POU2F1: variants seen among roughly 807,000 people sequenced by gnomAD.
POU2F1 encodes POU class 2 homeobox 1.
POU2F1 carries 16 observed loss-of-function variants against 84.9 expected under a neutral mutation model. The ratio of observed to expected loss-of-function variants is 0.19; its 90% CI spans 0.13 to 0.29. POU2F1 has a LOEUF of 0.29. Ranked by LOEUF, POU2F1 falls within the 10% of genes least tolerant of loss-of-function variation. The probability of loss-of-function intolerance (pLI) is 1.00; values close to 1 mark genes in which losing one functional copy is unlikely to be tolerated. For missense variants in POU2F1, 738 were observed against 942.6 expected (o/e 0.78, Z 2.84); for synonymous variants, 368 against 368.3 (o/e 1.00, Z 0.01).
At chr1:167,367,619 T>C (rs185078605) in intron 3 of POU2F1, among the ~76,000 whole-genome samples, 84 of 152,304 alleles carry the variant, frequency 5.5e-4, no homozygotes, top group African/African-American at 1.9e-3. Context: ...CTTTCAAATT[T>C]GTAAGAGTTA....
intron 1 of POU2F1, among the ~76,000 whole-genome samples, chr1:167,315,446 AG>A (rs1655813957): frequency 6.6e-6 from 1 of 152,158 alleles, no homozygotes; most frequent in African/African-American, 2.4e-5. Flanking sequence ...ACTTAGAAAC[AG>A]CCAAAAAGTC....
At chr1:167,398,258 A>G (rs898131562) in intron 11 of POU2F1, 125 bp downstream of exon 11, 3 of 1,166,244 alleles carry the variant, frequency 2.6e-6, no homozygotes, top group Non-Finnish European at 3.6e-6. Context: ...ATGATTATAA[A>G]TAGGTGAAGT....
intron 6 of POU2F1, 81 bp downstream of exon 6, chr1:167,374,377 G>T: frequency 7.3e-7 from 1 of 1,376,000 alleles, no homozygotes; most frequent in Non-Finnish European, 9.7e-7. Flanking sequence ...TTAACTTTTT[G>T]ATTGTTAGTG....
chr1:167,406,685 A>G (rs1649601992), intron 13 of POU2F1, among the ~76,000 whole-genome samples: 1 of 152,238 alleles, frequency 6.6e-6, no homozygotes. Flanking sequence ...TACAAGATTG[A>G]TATATAAAAA....
At position 167,270,903 on chromosome 1, in the gene POU2F1, A is replaced by G. The variant is rs138049568; in HGVS notation, c.61+49945A>G. ...TTCACTAACTCCTGAATGTTTCTCT[A>G]TGCTAATCTGAAAGCTCTACAGCAG... On this transcript the variant is annotated intron_variant, in intron 1 of 15. Transcript: ENST00000367866. 5.0e-3 allele frequency among the ~76,000 whole-genome samples: 757 copies of G among 152,108 alleles called. 7 individuals are homozygous for G. The highest frequency in any genetic ancestry group is 0.017 in the African/African-American group (715 of 41,468).
At position 167,415,956 on chromosome 1, in the gene POU2F1, A is replaced by AC. The variant is rs397754703; in HGVS notation, c.*148dup. On this transcript the variant is annotated 3_prime_UTR_variant, in exon 16 of 16. Transcript: ENST00000367866. ...AGAGAAGGGAGAAAAAAAAAAAAAA[A>AC]CCACACACACCCATACACACATACC... 12 of 820,854 alleles carry AC rather than the reference A, an allele frequency of 1.5e-5. No homozygotes were observed. In the South Asian group the frequency reaches 2.1e-4, roughly 14 times the overall value. The allele number at this position is 820,854 out of a possible 1,614,324, so 50.8% of individuals were successfully genotyped here. A position where few individuals can be genotyped will look rare whatever the true frequency, so the allele number is the denominator to read the frequency against.
chr1:167,359,761 C>G (rs1442791015), intron 2 of POU2F1, among the ~76,000 whole-genome samples: 2 of 148,206 alleles, frequency 1.3e-5, no homozygotes, highest in Admixed American at 1.3e-4. Flanking sequence ...TGCCAAACTG[C>G]TTTCCACAGG....
At chr1:167,242,216 T>C (rs1300402622) in intron 1 of POU2F1, among the ~76,000 whole-genome samples, 1 of 152,204 alleles carries the variant, frequency 6.6e-6, no homozygotes, top group Non-Finnish European at 1.5e-5. Flanking sequence ...ATTAATACTT[T>C]TGGTTTTCAG....
At chr1:167,379,069 TG>T (rs1473419918) in intron 7 of POU2F1, 2 of 151,906 alleles carry the variant, frequency 1.3e-5, no homozygotes, top group Non-Finnish European at 2.9e-5. Context: ...GAGTACAGTG[TG>T]TACTACCTCA....
intron 1 of POU2F1, among the ~76,000 whole-genome samples, chr1:167,242,938 C>T (rs1650018739): frequency 1.3e-5 from 2 of 152,162 alleles, no homozygotes; most frequent in African/African-American, 4.8e-5. Flanking sequence ...CTCCCTCCCC[C>T]TCCTTCCACC....
chr1:167,365,411 G>A, intron 2 of POU2F1, 56 bp from the exon 3 acceptor site: 1 of 1,333,958 alleles, frequency 7.5e-7, no homozygotes, highest in Non-Finnish European at 1.0e-6. Context: ...CTGAAATCTA[G>A]TGCTTTATTT....
intron 2 of POU2F1, among the ~76,000 whole-genome samples, chr1:167,335,632 A>T (rs1657395005): frequency 6.6e-6 from 1 of 152,226 alleles, no homozygotes; most frequent in Non-Finnish European, 1.5e-5. Flanking sequence ...TTTTCTCATT[A>T]AAGTAGTTGA....
chr1:167,404,873 C>T (rs1157010586), intron 13 of POU2F1, among the ~76,000 whole-genome samples: 1 of 152,146 alleles, frequency 6.6e-6, no homozygotes, highest in South Asian at 2.1e-4. Context: ...AATCTCAAAA[C>T]CTCTGATACC....
chr1:167,362,708 A>G (rs1393253889), intron 2 of POU2F1, among the ~76,000 whole-genome samples: 1 of 152,194 alleles, frequency 6.6e-6, no homozygotes, highest in Non-Finnish European at 1.5e-5. Flanking sequence ...TTTCTGTGGG[A>G]AAGTCAGGAC....
chr1:167,248,884 A>G (rs1650526171), intron 1 of POU2F1, among the ~76,000 whole-genome samples: 1 of 152,132 alleles, frequency 6.6e-6, no homozygotes, highest in South Asian at 2.1e-4. Flanking sequence ...AATTATCCCC[A>G]TTTTACAGAT....
chr1:167,411,212 G>A lies in POU2F1; in HGVS notation c.1556-747G>A, dbSNP rs138312666. ...GTGCCACCACGCCCAGCTAATTTTT[G>A]TATTTTTATTAGAGGCAGGGTTTCA... On this transcript the variant is annotated intron_variant, in intron 13 of 15. Coordinates refer to ENST00000367866, the MANE Select transcript of POU2F1 (RefSeq NM_002697.4). Among the ~76,000 whole-genome samples the A allele has an allele frequency of 4.9e-3, 744 of 151,962 alleles. 2 individuals carry two copies. Among genetic ancestry groups the A allele is most frequent in the South Asian group, 0.015 (71 of 4,818 alleles).
intron 1 of POU2F1, among the ~76,000 whole-genome samples, chr1:167,231,280 G>T (rs112314397): frequency 3.3e-5 from 5 of 151,982 alleles, no homozygotes; most frequent in African/African-American, 1.2e-4. Flanking sequence ...ACATCTTTTG[G>T]GTGAAGACCA....
intron 1 of POU2F1, among the ~76,000 whole-genome samples, chr1:167,224,296 G>A (rs1346292232): frequency 6.6e-6 from 1 of 152,168 alleles, no homozygotes; most frequent in Non-Finnish European, 1.5e-5. Context: ...CTTAATCAGA[G>A]CATGGCTTAG....
intron 3 of POU2F1, among the ~76,000 whole-genome samples, chr1:167,369,151 G>T (rs1359170049): frequency 6.6e-6 from 1 of 152,110 alleles, no homozygotes; most frequent in African/African-American, 2.4e-5. Flanking sequence ...GTTTTGAACA[G>T]TGTACACTGG....
Sources: allele counts gnomAD v4.1 joint callset (sites outside exome capture counted in the v4.1 genomes callset), GRCh38; gene constraint gnomAD v4.1.1; transcripts MANE v1.5; gene names NCBI Gene and HGNC (gene_info 2026-07-23, HGNC 2026-07-21).